CDH8: variants seen among roughly 807,000 people sequenced by gnomAD.
CDH8 encodes cadherin-8.
Under a neutral mutation model 68.1 loss-of-function variants are expected in CDH8, and 17 were observed. That is an observed-to-expected ratio of 0.25 (90% CI 0.17 to 0.37). The LOEUF is 0.37. CDH8 is among the 10% of genes least tolerant of loss of function. CDH8 has a pLI of 1.00. For missense variants in CDH8, 763 were observed against 999.3 expected, an observed-to-expected ratio of 0.76 and a Z score of 3.19; for synonymous variants, 372 against 365.1, an observed-to-expected ratio of 1.02 and a Z score of -0.21.
At position 61,736,124 on chromosome 16, in the gene CDH8, G is replaced by A. The variant is rs368237053; in HGVS notation, c.1415-8909C>T. Among the ~76,000 whole-genome samples, 189 of 110,038 alleles carry A rather than the reference G, an allele frequency of 1.7e-3. No individual in the cohort carries two copies. The East Asian group carries it at 0.023, about 14-fold the overall frequency. 72.2% of individuals were successfully genotyped at this position (110,038 alleles called of 152,430 possible). ...GAAAGAAAGAAAGAAAGGAAGGAAG[G>A]AAGGAAGGAAGGAAGGAAGGAAGGA... On this transcript the variant is annotated intron_variant, in intron 8 of 11. Transcript: ENST00000577390.
intron 8 of CDH8, among the ~76,000 whole-genome samples, chr16:61,747,514 G>A (rs993522614): frequency 2.0e-5 from 3 of 151,940 alleles, no homozygotes; most frequent in African/African-American, 7.2e-5. Flanking sequence ...TTTCAATATA[G>A]AGCAACAGAG....
In CDH8 at chr16:61,647,721, T is replaced by C. The variant is rs910365596; in HGVS notation, c.*5887A>G. On this transcript the variant is annotated 3_prime_UTR_variant, in exon 12 of 12. Transcript: ENST00000577390. ...TGAGGAATCATAGGATGGCCTGAAG[T>C]TCTTTGCATGTACAGAAGAAATCCC... 2.9e-6 allele frequency: 2 copies of C among 680,598 alleles called. No individual in the cohort carries two copies. Among genetic ancestry groups the C allele is most frequent in the African/African-American group, 3.6e-5 (2 of 55,690 alleles). 42.2% of individuals were successfully genotyped at this position (680,598 alleles called of 1,614,324 possible). A position where few individuals can be genotyped will look rare whatever the true frequency, so the allele number is the denominator to read the frequency against.
chr16:61,993,864 C>A (rs888457740), intron 2 of CDH8, among the ~76,000 whole-genome samples: 1 of 152,078 alleles, frequency 6.6e-6, no homozygotes, highest in Non-Finnish European at 1.5e-5. Context: ...AGAGCTAGTT[C>A]ATAATATATA....
At chr16:61,915,620 G>GT (rs1567526492) in intron 2 of CDH8, among the ~76,000 whole-genome samples, 1 of 151,922 alleles carries the variant, frequency 6.6e-6, no homozygotes, top group African/African-American at 2.4e-5. Flanking sequence ...TTAGTGTTTT[G>GT]TTTTTAAAGA....
intron 10 of CDH8, among the ~76,000 whole-genome samples, chr16:61,675,179 AT>A (rs1334663540): frequency 6.6e-6 from 1 of 152,092 alleles, no homozygotes; most frequent in East Asian, 1.9e-4. Flanking sequence ...AAGTGCCAGA[AT>A]TGGTAAATAT....
At chr16:62,010,053 C>T (rs563159239) in intron 2 of CDH8, among the ~76,000 whole-genome samples, 1 of 152,152 alleles carries the variant, frequency 6.6e-6, no homozygotes, top group Admixed American at 6.5e-5. Context: ...ATACCAATGT[C>T]CTCTCCTCTG....
intron 10 of CDH8, among the ~76,000 whole-genome samples, chr16:61,677,525 T>C (rs2142792139): frequency 6.6e-6 from 1 of 152,102 alleles, no homozygotes; most frequent in Non-Finnish European, 1.5e-5. Context: ...TATGTTTTGC[T>C]GCTACTTTAT....
At chr16:61,778,071 A>G (rs1284454614) in intron 8 of CDH8, among the ~76,000 whole-genome samples, 1 of 151,970 alleles carries the variant, frequency 6.6e-6, no homozygotes, top group Non-Finnish European at 1.5e-5. Context: ...TACTGCTGCA[A>G]CCTGTGTGAT....
intron 8 of CDH8, among the ~76,000 whole-genome samples, chr16:61,767,485 G>T (rs754625152): frequency 6.6e-6 from 1 of 151,804 alleles, no homozygotes; most frequent in Non-Finnish European, 1.5e-5. Context: ...TTGAGGCTTC[G>T]CTGTAGTAAA....
At chr16:61,662,110 ATTTG>A (rs1418036325) in intron 10 of CDH8, among the ~76,000 whole-genome samples, 136 of 76,854 alleles carry the variant, frequency 1.8e-3, no homozygotes, top group African/African-American at 6.8e-3. Context: ...TTTTTGGTTA[ATTTG>A]TTTGTTTGTT....
chr16:62,032,242 G>T (rs1054847165), intron 1 of CDH8, among the ~76,000 whole-genome samples: 1 of 152,142 alleles, frequency 6.6e-6, no homozygotes, highest in Non-Finnish European at 1.5e-5. Context: ...CAGATGAAAT[G>T]GCAAAGGGAA....
intron 8 of CDH8, among the ~76,000 whole-genome samples, chr16:61,772,112 C>T (rs1264192710): frequency 6.6e-6 from 1 of 151,904 alleles, no homozygotes; most frequent in African/African-American, 2.4e-5. Context: ...TATCCAAATT[C>T]CTCTGGAACA....
rs73568787 is a variant in CDH8, at chr16:62,029,495, T to A, written c.-200+6585A>T. ...TTAAAGCAATGACTTCGAGTAGTTT[T>A]ATTAAGCCTCAGAAGGGCTGCATTT... On this transcript the variant is annotated intron_variant, in intron 1 of 11. Transcript: ENST00000577390. Among the ~76,000 whole-genome samples the A allele has an allele frequency of 8.7e-3, 1,322 of 152,316 alleles. 18 individuals carry two copies. Among genetic ancestry groups the A allele is most frequent in the African/African-American group, 0.03 (1,229 of 41,574 alleles).
intron 10 of CDH8, among the ~76,000 whole-genome samples, chr16:61,669,508 A>C (rs1963748607): frequency 6.6e-6 from 1 of 152,084 alleles, no homozygotes; most frequent in Non-Finnish European, 1.5e-5. Context: ...GTAAGATTTC[A>C]ATTAATCCTT....
chr16:61,921,605 T>C (rs1482388663), intron 2 of CDH8, among the ~76,000 whole-genome samples: 1 of 152,168 alleles, frequency 6.6e-6, no homozygotes, highest in Admixed American at 6.5e-5. Context: ...TACTGTATAA[T>C]AAAATCTGGA....
chr16:61,929,099 C>G (rs1056005998), intron 2 of CDH8, among the ~76,000 whole-genome samples: 8 of 152,004 alleles, frequency 5.3e-5, no homozygotes, highest in African/African-American at 1.7e-4. Flanking sequence ...TTAGTAGAGA[C>G]GAGGTTTCAC....
chr16:61,740,650 G>A (rs1046453868), intron 8 of CDH8, among the ~76,000 whole-genome samples: 1 of 152,050 alleles, frequency 6.6e-6, no homozygotes, highest in Non-Finnish European at 1.5e-5. Context: ...TTCATACAGT[G>A]TATACATATT....
chr16:62,018,156 C>T (rs1901987196), intron 2 of CDH8, among the ~76,000 whole-genome samples: 1 of 152,164 alleles, frequency 6.6e-6, no homozygotes, highest in Admixed American at 6.5e-5. Flanking sequence ...CAGAAAGTGG[C>T]CAAGCTCATA....
intron 9 of CDH8, among the ~76,000 whole-genome samples, chr16:61,717,290 G>T (rs1256871562): frequency 6.6e-6 from 1 of 151,592 alleles, no homozygotes; most frequent in African/African-American, 2.4e-5. Flanking sequence ...GCATATCTGG[G>T]ATGTTGGGAT....
Sources: gnomAD v4.1 joint callset for allele counts (sites outside exome capture counted in the v4.1 genomes callset) on GRCh38, gnomAD v4.1.1 for gene constraint, MANE v1.5 for transcripts, NCBI Gene and HGNC (gene_info 2026-07-23, HGNC 2026-07-21) for gene names.